Variants in MXRA7 observed in about 807,000 individuals in gnomAD.
MXRA7 encodes the protein matrix remodeling associated 7.
MXRA7 carries 18 observed loss-of-function variants against 17.4 expected under a neutral mutation model. The observed-to-expected ratio is 1.03, with a 90% CI of 0.71 to 1.53. MXRA7 has a LOEUF of 1.53. Ranked by LOEUF, MXRA7 falls within the 40% of genes most tolerant of loss-of-function variation. The pLI is 0.00. For missense variants in MXRA7, 141 were observed against 209.3 expected (o/e 0.67, Z 2.01); for synonymous variants, 70 against 101.7 (o/e 0.69, Z 1.87).
chr17:76,678,390 C>G (rs1188719922), downstream of MXRA7, among the ~76,000 whole-genome samples: 1 of 152,212 alleles, frequency 6.6e-6, no homozygotes, highest in Non-Finnish European at 1.5e-5. Context: ...GTCTTGTTAT[C>G]TTTATGAGGC....
chr17:76,694,555 A>G (rs564691008), intron 1 of MXRA7, among the ~76,000 whole-genome samples: 1 of 152,256 alleles, frequency 6.6e-6, no homozygotes, highest in Admixed American at 6.5e-5. Flanking sequence ...CTTTTAAAGA[A>G]TATACTAATA....
chr17:76,695,964 G>A (rs556353532), intron 1 of MXRA7, among the ~76,000 whole-genome samples: 5 of 151,918 alleles, frequency 3.3e-5, no homozygotes, highest in Non-Finnish European at 5.9e-5. Context: ...GTGTGGTGGC[G>A]GGTGCCTGTA....
At chr17:76,674,841 C>T (rs1226162687), downstream of MXRA7, 1 of 152,214 alleles carries the variant, frequency 6.6e-6, no homozygotes, top group Non-Finnish European at 1.5e-5. Flanking sequence ...ACATCTGGAC[C>T]AGTTCCCTTA....
intron 1 of MXRA7, among the ~76,000 whole-genome samples, chr17:76,693,341 G>A (rs1026913590): frequency 6.6e-6 from 1 of 151,906 alleles, no homozygotes; most frequent in Non-Finnish European, 1.5e-5. Context: ...GGTGGTGCAC[G>A]ACTGCTTCAG....
downstream of MXRA7, chr17:76,675,301 G>T: frequency 6.6e-6 from 1 of 152,200 alleles, no homozygotes. Context: ...GGGCACCTAC[G>T]GGTTTGCCCT....
chr17:76,693,633 C>G (rs1027316632), intron 1 of MXRA7, among the ~76,000 whole-genome samples: 4 of 152,104 alleles, frequency 2.6e-5, no homozygotes, highest in South Asian at 2.1e-4. Context: ...ACTGCTTGAG[C>G]CCAGGAGTTT....
At chr17:76,693,379 C>T (rs992588831) in intron 1 of MXRA7, among the ~76,000 whole-genome samples, 13 of 147,754 alleles carry the variant, frequency 8.8e-5, no homozygotes, top group Non-Finnish European at 1.8e-4. Flanking sequence ...GCAGGAGAAT[C>T]GTTGGACCCT....
At chr17:76,684,444 C>T (rs967954993) in intron 3 of MXRA7, among the ~76,000 whole-genome samples, 8 of 152,150 alleles carry the variant, frequency 5.3e-5, no homozygotes, top group African/African-American at 1.9e-4. Context: ...GCTGAGACCT[C>T]CCCAGCTGTC....
At chr17:76,706,121 C>T (rs546722711) in intron 1 of MXRA7, among the ~76,000 whole-genome samples, 42 of 151,760 alleles carry the variant, frequency 2.8e-4, no homozygotes, top group African/African-American at 8.7e-4. Flanking sequence ...CAAAGGCCCA[C>T]GCTGCCATCA....
intron 3 of MXRA7, chr17:76,683,859 C>T (rs183901071): frequency 6.2e-7 from 1 of 1,613,770 alleles, no homozygotes; most frequent in Non-Finnish European, 8.5e-7. Context: ...AAAGGATTTG[C>T]AAGAATATTT....
intron 1 of MXRA7, among the ~76,000 whole-genome samples, chr17:76,706,938 CTG>C (rs147238653): frequency 2.6e-5 from 4 of 151,642 alleles, no homozygotes; most frequent in African/African-American, 2.4e-5. Context: ...CACACACACA[CTG>C]TGTGTGTGTG....
At chr17:76,710,445 G>A (rs1453579924) in intron 1 of MXRA7, among the ~76,000 whole-genome samples, 160 bp downstream of exon 1, 2 of 152,182 alleles carry the variant, frequency 1.3e-5, no homozygotes, top group Non-Finnish European at 2.9e-5. Context: ...CTGCGGCTTA[G>A]CATGGCGGGA....
At chr17:76,677,776 C>T (rs543092578), downstream of MXRA7, 139 of 1,079,686 alleles carry the variant, frequency 1.3e-4, no homozygotes, top group Admixed American at 1.3e-3. Flanking sequence ...TGTGTGCAGC[C>T]GGCGGAGTTG....
At chr17:76,689,689 ACT>A (rs1322138327) in intron 1 of MXRA7, 2 of 151,852 alleles carry the variant, frequency 1.3e-5, no homozygotes, top group Admixed American at 6.6e-5. Flanking sequence ...TTATATAATG[ACT>A]CTGACCGCGT....
At chr17:76,702,687 A>C (rs994005233) in intron 1 of MXRA7, among the ~76,000 whole-genome samples, 7 of 151,626 alleles carry the variant, frequency 4.6e-5, no homozygotes, top group African/African-American at 1.7e-4. Flanking sequence ...CTTCATCTCT[A>C]CTAAAAATAC....
chr17:76,704,282 T>TG (rs2076629300), intron 1 of MXRA7, among the ~76,000 whole-genome samples: 1 of 131,188 alleles, frequency 7.6e-6, no homozygotes, highest in Non-Finnish European at 1.6e-5. Context: ...CTCAGCTCAC[T>TG]GCAAGCTCCA....
chr17:76,700,975 G>A lies in MXRA7; in HGVS notation c.342+9630C>T, dbSNP rs2076584609. Among the ~76,000 whole-genome samples, 3 of 152,268 alleles carry A rather than the reference G, an allele frequency of 2.0e-5. No homozygotes were observed. The South Asian group carries it at 6.2e-4, about 32-fold the overall frequency. On this transcript the variant is annotated intron_variant, in intron 1 of 3. Transcript: ENST00000449428. ...GCAGGGCTGGCAGGTCTAAGCACCAGAAAGGAGTCTGTGGCTGTGGGGGGC... is the reference window on the plus strand; with the variant it reads ...GCAGGGCTGGCAGGTCTAAGCACCAAAAAGGAGTCTGTGGCTGTGGGGGGC...
At chr17:76,701,357 CG>C (rs145042238) in intron 1 of MXRA7, among the ~76,000 whole-genome samples, 2 of 150,842 alleles carry the variant, frequency 1.3e-5, no homozygotes, top group South Asian at 2.1e-4. Flanking sequence ...AGCTGAGCGT[CG>C]GGGGGGTGGA....
At chr17:76,678,464 G>A (rs917288351), downstream of MXRA7, among the ~76,000 whole-genome samples, 3 of 152,178 alleles carry the variant, frequency 2.0e-5, no homozygotes, top group Non-Finnish European at 4.4e-5. Flanking sequence ...GGTGGGGCGA[G>A]GCGGCTGCCG....
Sources: gnomAD v4.1 joint callset for allele counts (sites outside exome capture counted in the v4.1 genomes callset) on GRCh38, gnomAD v4.1.1 for gene constraint, MANE v1.5 for transcripts, NCBI Gene and HGNC (gene_info 2026-07-23, HGNC 2026-07-21) for gene names.